ECHDC2: variants seen among roughly 807,000 people sequenced by gnomAD.
ECHDC2 encodes enoyl-CoA hydratase domain-containing protein 2, mitochondrial.
In ECHDC2, 34 loss-of-function variants were observed where a neutral mutation model predicts 40.6. The ratio of observed to expected loss-of-function variants is 0.84; its 90% CI spans 0.64 to 1.11. The LOEUF (loss-of-function observed/expected upper bound fraction) is 1.11, where lower values mean the gene tolerates loss of function less well. ECHDC2 is among the 50% of genes most tolerant of loss of function. ECHDC2 has a pLI of 0.00. For missense variants in ECHDC2, 392 were observed against 400.7 expected, an observed-to-expected ratio of 0.98 and a Z score of 0.19; for synonymous variants, 162 against 166.6, an observed-to-expected ratio of 0.97 and a Z score of 0.21.
intron 3 of ECHDC2, among the ~76,000 whole-genome samples, chr1:52,909,523 T>TA (rs35263010): frequency 0.46 from 62,393 of 135,170 alleles, 15,131 homozygotes; most frequent in Non-Finnish European, 0.57. Context: ...CTGATGAGCT[T>TA]AAAAAAAAAA....
Position 52,908,005 on chromosome 1 carries a change from GA to G in ECHDC2, c.278-52del, listed in dbSNP as rs778128753. The G allele has an allele frequency of 3.8e-6, 6 of 1,564,470 alleles. No homozygotes were observed. The African/African-American group carries it at 6.8e-5, about 18-fold the overall frequency. On this transcript the variant is annotated intron_variant, in intron 3 of 9. Transcript: ENST00000371522. ...GCCCTTAGGAAAATGGCACTTTACG[GA>G]ATCCCAGGCGGTTAAAGGATCCAGC...
chr1:52,913,806 TG>T, intron 1 of ECHDC2: 1 of 524,788 alleles, frequency 1.9e-6, no homozygotes, highest in Non-Finnish European at 2.6e-6. Context: ...GGTTCGCTCT[TG>T]GTGGTGTACA....
rs1165938119 is a variant in ECHDC2 at position 52,897,670 on chromosome 1, CTG to C, written c.754-188_754-187del. 20 of 650,018 alleles carry C rather than the reference CTG, an allele frequency of 3.1e-5. 1 individual carries two copies. Among genetic ancestry groups the C allele is most frequent in the South Asian group, 5.3e-5 (3 of 56,416 alleles). 40.3% of individuals were successfully genotyped at this position (650,018 alleles called of 1,614,324 possible). On this transcript the variant is annotated intron_variant, in intron 8 of 9. Transcript: ENST00000371522. ...AAACTGCTGGGAGAAACGAGACAGA[CTG>C]AGACATTTTGCCAGAGAAGAGGAGT... is the stretch of plus-strand genomic sequence containing the variant.
At chr1:52,909,523 T>TAAAA (rs35263010) in intron 3 of ECHDC2, among the ~76,000 whole-genome samples, 7 of 135,294 alleles carry the variant, frequency 5.2e-5, no homozygotes, top group African/African-American at 1.7e-4. Flanking sequence ...CTGATGAGCT[T>TAAAA]AAAAAAAAAA....
At chr1:52,904,867 C>T (rs2150046777) in intron 6 of ECHDC2, 34 bp from the exon 7 acceptor site, 1 of 1,601,306 alleles carries the variant, frequency 6.2e-7, no homozygotes, top group Non-Finnish European at 8.5e-7. Context: ...TGGGAATCAG[C>T]ATGGGAAGTG....
At chr1:52,903,903 C>T (rs992781600) in intron 7 of ECHDC2, among the ~76,000 whole-genome samples, 17 of 151,756 alleles carry the variant, frequency 1.1e-4, no homozygotes, top group South Asian at 2.1e-4. Context: ...CTGCAACCTC[C>T]GCCTCCCAGG....
Position 52,904,694 on chromosome 1 carries a change from G to A in ECHDC2, c.654C>T (p.Asp218=), listed in dbSNP as rs368210638. Residue 218 remains aspartate, a synonymous_variant, in exon 7 of 10, where the codon GAC becomes GAT. Coordinates refer to ENST00000371522, the MANE Select transcript of ECHDC2 (RefSeq NM_001198961.2). ...NHAVAQNEEG[D]AAYQRARALA... is the part of the protein sequence containing the mutation. ...GTGCTCGTGCCCGCTGGTAGGCGGC[G>A]TCCCCCTCCTCGTTCTGGGCCACAG... 101 of 1,611,526 alleles carry A rather than the reference G, an allele frequency of 6.3e-5. No homozygotes were observed. Among genetic ancestry groups the A allele is most frequent in the South Asian group, 3.1e-4 (28 of 91,008 alleles).
chr1:52,896,897 G>C, intron 9 of ECHDC2: 1 of 354,132 alleles, frequency 2.8e-6, no homozygotes, highest in Admixed American at 4.1e-5. Flanking sequence ...CTGCTCAGTA[G>C]AGAAAAAAAT....
chr1:52,912,573 T>C (rs1649798736), intron 1 of ECHDC2, among the ~76,000 whole-genome samples: 1 of 152,028 alleles, frequency 6.6e-6, no homozygotes, highest in African/African-American at 2.4e-5. Context: ...AATACCCTTA[T>C]AACCACCACC....
chr1:52,910,515 C>G (rs1377129338), intron 3 of ECHDC2, among the ~76,000 whole-genome samples: 1 of 151,504 alleles, frequency 6.6e-6, no homozygotes, highest in African/African-American at 2.4e-5. Context: ...ATTACAGGCA[C>G]TGGCCACAAT....
chr1:52,921,624 C>G lies in ECHDC2; in HGVS notation c.50G>C (p.Arg17Pro). The G allele has an allele frequency of 6.3e-7, 1 of 1,596,294 alleles. No individual in the cohort carries two copies. The highest frequency in any genetic ancestry group is 8.5e-7 in the Non-Finnish European group (1 of 1,172,234). ...GGCCGCCCCGTCGGAAGCGCAGCCG[C>G]GGGCCCGAAGGGGCCTCCAGGGGCG... Reference protein sequence around the residue: ...LLRPWRPLRARGCASDGAAGG... With the variant: ...LLRPWRPLRAPGCASDGAAGG... The change falls in exon 1 of 10, where the codon CGC (arginine) becomes CCC (proline). Residue 17 changes from arginine to proline, a missense_variant. By Grantham distance (103) the Arg-to-Pro change is moderately radical. Coordinates refer to ENST00000371522, the MANE Select transcript of ECHDC2 (RefSeq NM_001198961.2).
intron 1 of ECHDC2, among the ~76,000 whole-genome samples, chr1:52,916,799 C>T (rs985325968): frequency 1.3e-5 from 2 of 152,216 alleles, no homozygotes; most frequent in Non-Finnish European, 2.9e-5. Flanking sequence ...ACCCCAACAG[C>T]GGGGATGGGG....
In ECHDC2 at chr1:52,914,113, C is replaced by T. The variant is rs1319821858; in HGVS notation, c.122-2323G>A. 1 of 517,442 alleles carries T rather than the reference C, an allele frequency of 1.9e-6. No individual in the cohort carries two copies. The highest frequency in any genetic ancestry group is 2.0e-5 in the African/African-American group (1 of 51,080). 32.1% of individuals were successfully genotyped at this position (517,442 alleles called of 1,614,324 possible). A position where few individuals can be genotyped will look rare whatever the true frequency, so the allele number is the denominator to read the frequency against. On this transcript the variant is annotated intron_variant, in intron 1 of 9. Coordinates refer to ENST00000371522, the MANE Select transcript of ECHDC2 (RefSeq NM_001198961.2). This position sits in a 1 kb window ranked among gnomAD's most constrained non-coding sequence, Gnocchi z 4.0. ...CCTACAGCCTAGTGGGGAAGACAGACATTAAATAATTACTATTTGTGAGGA... is the reference window on the plus strand; with the variant it reads ...CCTACAGCCTAGTGGGGAAGACAGATATTAAATAATTACTATTTGTGAGGA...
intron 7 of ECHDC2, among the ~76,000 whole-genome samples, chr1:52,904,408 T>C (rs2150045621): frequency 6.6e-6 from 1 of 152,304 alleles, no homozygotes; most frequent in South Asian, 2.1e-4. Flanking sequence ...TACTGGACAG[T>C]GTTACATTCA....
At chr1:52,921,383 A>G (rs1651850142) in intron 1 of ECHDC2, 170 bp downstream of exon 1, 2 of 1,391,674 alleles carry the variant, frequency 1.4e-6, no homozygotes, top group Non-Finnish European at 1.9e-6. Flanking sequence ...TGGAGCCACT[A>G]AGGCGGCCGC....
intron 7 of ECHDC2, among the ~76,000 whole-genome samples, chr1:52,903,560 T>C (rs1647131905): frequency 6.6e-6 from 1 of 151,998 alleles, no homozygotes; most frequent in Non-Finnish European, 1.5e-5. Context: ...GCAATGCTTT[T>C]TCCCAAATAA....
At chr1:52,907,823 A>C in intron 4 of ECHDC2, 45 bp downstream of exon 4, 1 of 1,521,862 alleles carries the variant, frequency 6.6e-7, no homozygotes, top group Non-Finnish European at 9.1e-7. Context: ...TGTCATCGGC[A>C]GGGACCCCCA....
At chr1:52,904,038 G>T (rs1043553608) in intron 7 of ECHDC2, among the ~76,000 whole-genome samples, 6 of 151,868 alleles carry the variant, frequency 4.0e-5, no homozygotes, top group Non-Finnish European at 8.8e-5. Flanking sequence ...GGGTGGTCTT[G>T]AACTCCTAAC....
chr1:52,899,361 A>G, intron 7 of ECHDC2, 137 bp from the exon 8 acceptor site: 2 of 758,290 alleles, frequency 2.6e-6, no homozygotes, highest in Non-Finnish European at 2.2e-6. Context: ...CAGTTTCTTT[A>G]GCGTTAGTCC....
Sources: allele counts gnomAD v4.1 joint callset (sites outside exome capture counted in the v4.1 genomes callset), GRCh38; gene constraint gnomAD v4.1.1; non-coding constraint Gnocchi (gnomAD v3.1); transcripts MANE v1.5; gene names NCBI Gene and HGNC (gene_info 2026-07-23, HGNC 2026-07-21).